Variants in RBPMS observed in about 807,000 individuals in gnomAD.
RBPMS encodes the protein RNA binding protein, mRNA processing factor, also known as RNA-binding protein with multiple splicing.
RBPMS carries 7 observed loss-of-function variants against 26.8 expected under a neutral mutation model. The ratio of observed to expected loss-of-function variants is 0.26; its 90% CI spans 0.15 to 0.49. RBPMS has a LOEUF of 0.49. Ranked by LOEUF, RBPMS falls within the 20% of genes least tolerant of loss-of-function variation. The pLI is 0.98. For missense variants in RBPMS, 186 were observed against 250.0 expected (o/e 0.74, Z 1.73); for synonymous variants, 96 against 93.3 (o/e 1.03, Z -0.17).
chr8:30,517,516 G>A (rs1024910072), intron 5 of RBPMS, among the ~76,000 whole-genome samples: 7 of 152,172 alleles, frequency 4.6e-5, no homozygotes, highest in African/African-American at 9.7e-5. Flanking sequence ...CCCTCAGAAG[G>A]TCAAGGAGAT....
At chr8:30,533,609 T>G (rs1824475290) in intron 5 of RBPMS, among the ~76,000 whole-genome samples, 1 of 152,160 alleles carries the variant, frequency 6.6e-6, no homozygotes, top group African/African-American at 2.4e-5. Flanking sequence ...AAAGAGATGA[T>G]CAAATTCCTT....
At chr8:30,506,812 T>C (rs1310143639) in intron 5 of RBPMS, among the ~76,000 whole-genome samples, 2 of 152,216 alleles carry the variant, frequency 1.3e-5, no homozygotes, top group African/African-American at 4.8e-5. Context: ...AAAGGAAGAA[T>C]GTTCTGTGGT....
chr8:30,538,187 A>AC (rs1824998523), intron 5 of RBPMS, among the ~76,000 whole-genome samples: 1 of 152,214 alleles, frequency 6.6e-6, no homozygotes, highest in South Asian at 2.1e-4. Context: ...GGTTCCCTGT[A>AC]CAGAACACAA....
intron 1 of RBPMS, among the ~76,000 whole-genome samples, chr8:30,418,341 C>T (rs372562530): frequency 2.7e-4 from 41 of 152,282 alleles, no homozygotes; most frequent in African/African-American, 9.4e-4. Context: ...CTCAGTCTCC[C>T]CAGTAGCTGG....
chr8:30,455,584 A>G, intron 1 of RBPMS, among the ~76,000 whole-genome samples: 1 of 152,132 alleles, frequency 6.6e-6, no homozygotes, highest in South Asian at 2.1e-4. Flanking sequence ...CTGGAAGTAA[A>G]GAATAATTAT....
intron 1 of RBPMS, among the ~76,000 whole-genome samples, chr8:30,415,947 A>G (rs1810019976): frequency 6.6e-6 from 1 of 152,212 alleles, no homozygotes; most frequent in African/African-American, 2.4e-5. Context: ...GTATGGGGCT[A>G]AGTTTTAACG....
At chr8:30,426,131 A>G (rs1171774377) in intron 1 of RBPMS, among the ~76,000 whole-genome samples, 1 of 152,178 alleles carries the variant, frequency 6.6e-6, no homozygotes, top group Non-Finnish European at 1.5e-5. Flanking sequence ...CGGTGCTGAA[A>G]GATGTGAGGA....
At chr8:30,546,887 G>A (rs1457544424) in intron 6 of RBPMS, among the ~76,000 whole-genome samples, 1 of 152,182 alleles carries the variant, frequency 6.6e-6, no homozygotes, top group Non-Finnish European at 1.5e-5. Context: ...CAATCTGAAG[G>A]GGCTCTACCA....
Position 30,385,117 on chromosome 8 carries a change from A to G in RBPMS, c.25A>G (p.Lys9Glu). The part of the protein sequence containing the change: MNNGGKAE[K>E]ENTPSEANLQ... ...GATGAACAACGGCGGCAAAGCCGAG[A>G]AGGAGAACACCCCGAGCGAGGCCAA... The change falls in exon 1 of 9, where the codon AAG becomes GAG. Residue 9 changes from lysine to glutamate, a missense_variant. Around this residue, in one of 3 missense-constraint regions of RBPMS, gnomAD observed 38 missense variants for 27.8 expected, o/e 1.37. Coordinates refer to ENST00000397323, the MANE Select transcript of RBPMS (RefSeq NM_001008710.3). The G allele has an allele frequency of 6.5e-7, 1 of 1,528,238 alleles. No homozygotes were observed. Among genetic ancestry groups the G allele is most frequent in the South Asian group, 1.2e-5 (1 of 80,806 alleles). The allele number at this position is 1,528,238 out of a possible 1,614,324, so 94.7% of individuals were successfully genotyped here.
rs371461421 is a variant in RBPMS at position 30,388,565 on chromosome 8, T to C, written c.66+3407T>C. 2.1e-4 allele frequency among the ~76,000 whole-genome samples: 24 copies of C among 116,578 alleles called. 1 individual carries two copies. The highest frequency in any genetic ancestry group is 4.3e-4 in the African/African-American group (13 of 30,156). 76.5% of individuals were successfully genotyped at this position (116,578 alleles called of 152,430 possible). The stretch of plus-strand genomic sequence containing the variant: ...TAGCTATAAGCTAACTTATAACTTA[T>C]AGCTATAGCTATAAGCTAACTTATA... On this transcript the variant is annotated intron_variant, in intron 1 of 8. Coordinates refer to ENST00000397323, the MANE Select transcript of RBPMS (RefSeq NM_001008710.3).
intron 4 of RBPMS, among the ~76,000 whole-genome samples, chr8:30,502,060 T>C (rs775223185): frequency 6.6e-6 from 1 of 152,058 alleles, no homozygotes; most frequent in Non-Finnish European, 1.5e-5. Flanking sequence ...CTAAAGATGT[T>C]AGAGGAATGT....
intron 1 of RBPMS, among the ~76,000 whole-genome samples, chr8:30,464,683 G>A (rs746428373): frequency 1.1e-4 from 16 of 152,196 alleles, no homozygotes; most frequent in Admixed American, 6.5e-4. Flanking sequence ...TAGGTAGTTT[G>A]AGAGATGTGA....
chr8:30,430,293 A>T (rs921332981), intron 1 of RBPMS, among the ~76,000 whole-genome samples: 5 of 152,190 alleles, frequency 3.3e-5, no homozygotes, highest in African/African-American at 1.2e-4. Context: ...CCCTGTTGTC[A>T]ATAGAGAAGA....
At chr8:30,521,640 T>C (rs1403854694) in intron 5 of RBPMS, among the ~76,000 whole-genome samples, 2 of 152,206 alleles carry the variant, frequency 1.3e-5, no homozygotes, top group East Asian at 3.8e-4. Flanking sequence ...ATGAGTATCA[T>C]GTGGGCATAA....
At position 30,457,384 on chromosome 8, in the gene RBPMS, A is replaced by G. The variant is rs547910359; in HGVS notation, c.67-17395A>G. ...GAAAGGTGGTGGTCATGGTGGTAGT[A>G]GTATAAATAAGCATTTCAGACTGGA... On this transcript the variant is annotated intron_variant, in intron 1 of 8. Transcript: ENST00000397323. Among the ~76,000 whole-genome samples the G allele has an allele frequency of 3.3e-4, 50 of 152,324 alleles. No homozygotes were observed. In the East Asian group the frequency reaches 5.0e-3, roughly 15 times the overall value.
At chr8:30,564,893 A>G (rs1193975699) in intron 7 of RBPMS, 1 of 151,794 alleles carries the variant, frequency 6.6e-6, no homozygotes, top group Non-Finnish European at 1.5e-5. Context: ...GTTGTCCCCT[A>G]TGCTCCTGGG....
chr8:30,568,705 C>T (rs1317655705), intron 8 of RBPMS, among the ~76,000 whole-genome samples: 1 of 152,206 alleles, frequency 6.6e-6, no homozygotes, highest in Non-Finnish European at 1.5e-5. Context: ...CGCCATCCAT[C>T]CCTCCGTGGG....
At chr8:30,482,603 T>C (rs1031422113) in intron 4 of RBPMS, among the ~76,000 whole-genome samples, 51 of 152,334 alleles carry the variant, frequency 3.3e-4, no homozygotes, top group African/African-American at 1.1e-3. Context: ...CAGTGAACTT[T>C]TATCAGGGAA....
At chr8:30,392,464 C>T (rs1321271324) in intron 1 of RBPMS, among the ~76,000 whole-genome samples, 1 of 152,140 alleles carries the variant, frequency 6.6e-6, no homozygotes, top group Non-Finnish European at 1.5e-5. Flanking sequence ...GGTGGAAGAG[C>T]TGCCTCTGCA....
Sources: allele counts gnomAD v4.1 joint callset (sites outside exome capture counted in the v4.1 genomes callset), GRCh38; gene constraint gnomAD v4.1.1; regional missense constraint gnomAD v4.1.1; transcripts MANE v1.5; gene names NCBI Gene and HGNC (gene_info 2026-07-23, HGNC 2026-07-21).